The following SACM1L variants were observed in gnomAD, a reference collection of about 807,000 sequenced individuals.
The protein encoded by SACM1L is phosphatidylinositol-3-phosphatase SAC1.
SACM1L carries 32 observed loss-of-function variants against 89.5 expected under a neutral mutation model. The observed-to-expected ratio is 0.36, with a 90% CI of 0.27 to 0.48. The LOEUF (loss-of-function observed/expected upper bound fraction) is 0.48, where lower values mean the gene tolerates loss of function less well. Among genes scored for constraint, SACM1L ranks in the 20% least tolerant of loss-of-function variants. SACM1L has a pLI of 0.99. For missense variants in SACM1L, 543 were observed against 708.5 expected (o/e 0.77, Z 2.65); for synonymous variants, 213 against 232.8 (o/e 0.92, Z 0.77).
At chr3:45,713,414 A>C (rs1698571236) in intron 6 of SACM1L, 1 of 372,776 alleles carries the variant, frequency 2.7e-6, no homozygotes, top group Non-Finnish European at 4.8e-6. Flanking sequence ...GCCTTAAATA[A>C]AAATACATTG....
At chr3:45,689,901 A>G (rs2125676846) in intron 1 of SACM1L, 3 of 246,330 alleles carry the variant, frequency 1.2e-5, no homozygotes, top group South Asian at 1.4e-4. Flanking sequence ...TACAGCAGCA[A>G]TTTAGAGTCT....
At chr3:45,731,247 CCAT>C (rs1250069904) in intron 11 of SACM1L, 51 bp from the exon 12 acceptor site, 6 of 1,170,664 alleles carry the variant, frequency 5.1e-6, no homozygotes, top group Non-Finnish European at 7.5e-6. Flanking sequence ...TTTTCTGATA[CCAT>C]TCTCTCCTTT....
At chr3:45,693,303 C>G (rs1369185918) in intron 1 of SACM1L, among the ~76,000 whole-genome samples, 2 of 152,212 alleles carry the variant, frequency 1.3e-5, no homozygotes, top group African/African-American at 4.8e-5. Flanking sequence ...ATTTTCTTCT[C>G]TAGTCCTCCT....
At chr3:45,741,467 G>A (rs1243635666) in intron 19 of SACM1L, among the ~76,000 whole-genome samples, 1 of 152,094 alleles carries the variant, frequency 6.6e-6, no homozygotes, top group African/African-American at 2.4e-5. Flanking sequence ...CTTTTTGAAG[G>A]TAAAGACTGT....
At chr3:45,742,951 C>T (rs1699347277) in intron 19 of SACM1L, 1 of 152,242 alleles carries the variant, frequency 6.6e-6, no homozygotes, top group Non-Finnish European at 1.5e-5. Context: ...GCCTGGGCAA[C>T]ACAGCAAGAC....
At chr3:45,694,019 G>T (rs376544758) in intron 1 of SACM1L, among the ~76,000 whole-genome samples, 1 of 152,166 alleles carries the variant, frequency 6.6e-6, no homozygotes, top group Non-Finnish European at 1.5e-5. Flanking sequence ...GCAGTTCGGC[G>T]TAGGTGTCAC....
intron 8 of SACM1L, 95 bp from the exon 9 acceptor site, chr3:45,721,905 A>T (rs1698796724): frequency 3.8e-6 from 3 of 790,036 alleles, no homozygotes; most frequent in Non-Finnish European, 6.4e-6. Context: ...ACTTGAACTG[A>T]CTTAATTCTC....
At chr3:45,736,427 T>G (rs1699198021) in intron 14 of SACM1L, among the ~76,000 whole-genome samples, 1 of 152,224 alleles carries the variant, frequency 6.6e-6, no homozygotes, top group Non-Finnish European at 1.5e-5. Flanking sequence ...ACCACATGGT[T>G]TCCTGTTCAG....
chr3:45,707,033 T>C (rs564886403), intron 4 of SACM1L, 126 bp downstream of exon 4: 1 of 775,784 alleles, frequency 1.3e-6, no homozygotes, highest in Admixed American at 3.4e-5. Context: ...TAGAGTAAGA[T>C]CACTCTACCT....
Position 45,737,839 on chromosome 3 carries a change from T to C in SACM1L, c.1377T>C (p.Phe459=), listed in dbSNP as rs900129072. 1 of 1,613,592 alleles carries C rather than the reference T, an allele frequency of 6.2e-7. No individual in the cohort carries two copies. The highest frequency in any genetic ancestry group is 1.1e-5 in the South Asian group (1 of 91,080). The change falls in exon 16 of 20, where the codon TTT becomes TTC. Residue 459 remains phenylalanine (F), a synonymous_variant. Coordinates refer to ENST00000389061, the MANE Select transcript of SACM1L (RefSeq NM_014016.5). ...GAACTGGTGCCTTGAAGACTGACTT[T>C]ACCAGGCAAGCCATGCTTTTAAAAT... ...YAGTGALKTD[F]TRTGKRTHLG...
chr3:45,695,997 CTTT>C (rs56074379), intron 1 of SACM1L, among the ~76,000 whole-genome samples: 27 of 134,190 alleles, frequency 2.0e-4, no homozygotes, highest in Non-Finnish European at 1.9e-4. Flanking sequence ...TCAGAATTTC[CTTT>C]TTTTTTTTTT....
At chr3:45,701,749 C>T (rs148828038) in intron 1 of SACM1L, among the ~76,000 whole-genome samples, 2 of 152,274 alleles carry the variant, frequency 1.3e-5, no homozygotes, top group African/African-American at 4.8e-5. Context: ...TGAAACGTTT[C>T]CTCGTGCCTG....
In SACM1L at chr3:45,739,049, G is replaced by C. The variant is rs140261585; in HGVS notation, c.1569+176G>C. ...GGAGTACAGTAACTGTGGAGCATTTGTTTTCTTTTCCTCAGACTCTCACAC... is the reference window on the plus strand; with the variant it reads ...GGAGTACAGTAACTGTGGAGCATTTCTTTTCTTTTCCTCAGACTCTCACAC... On this transcript the variant is annotated intron_variant, in intron 18 of 19. Coordinates refer to ENST00000389061, the MANE Select transcript of SACM1L (RefSeq NM_014016.5). 2.0e-5 allele frequency among the ~76,000 whole-genome samples: 3 copies of C among 152,246 alleles called. No individual in the cohort carries two copies. The East Asian group carries it at 5.8e-4, about 29-fold the overall frequency.
At chr3:45,712,241 TTTTG>T (rs1183351066) in intron 5 of SACM1L, among the ~76,000 whole-genome samples, 1 of 152,096 alleles carries the variant, frequency 6.6e-6, no homozygotes, top group Admixed American at 6.6e-5. Flanking sequence ...GAGTCAGTTA[TTTTG>T]TTTGTTTTTT....
At chr3:45,701,413 T>A (rs1698263606) in intron 1 of SACM1L, among the ~76,000 whole-genome samples, 1 of 152,182 alleles carries the variant, frequency 6.6e-6, no homozygotes, top group Non-Finnish European at 1.5e-5. Context: ...GCTTGCATAA[T>A]GCTTAGTATG....
rs1369697738 is a variant in SACM1L at position 45,691,586 on chromosome 3, G to A, written c.32+2089G>A. 2.0e-5 allele frequency among the ~76,000 whole-genome samples: 3 copies of A among 146,792 alleles called. No homozygotes were observed. In the East Asian group the frequency reaches 5.8e-4, roughly 29 times the overall value. ...GATTGCTAAAAGGATTTATTTAAAT[G>A]TTGAAATGCTTGTTTTTTTTTTCTT... On this transcript the variant is annotated intron_variant, in intron 1 of 19. Coordinates refer to ENST00000389061, the MANE Select transcript of SACM1L (RefSeq NM_014016.5).
At chr3:45,697,186 G>A (rs1312298306) in intron 1 of SACM1L, among the ~76,000 whole-genome samples, 1 of 150,364 alleles carries the variant, frequency 6.7e-6, no homozygotes, top group Non-Finnish European at 1.5e-5. Flanking sequence ...ATTTTTTGTA[G>A]AGATGAGATC....
chr3:45,735,180 C>A, intron 13 of SACM1L, 55 bp from the exon 14 acceptor site: 2 of 1,513,850 alleles, frequency 1.3e-6, no homozygotes, highest in South Asian at 1.3e-5. Flanking sequence ...AGAGTTAAGT[C>A]CTTAGTAAAT....
Position 45,722,962 on chromosome 3 carries a change from A to G in SACM1L, c.852+7A>G, listed in dbSNP as rs557267839. The G allele has an allele frequency of 6.2e-7, 1 of 1,606,364 alleles. No homozygotes were observed. Among genetic ancestry groups the G allele is most frequent in the African/African-American group, 1.3e-5 (1 of 74,846 alleles). ...CAGCAAAGTAGCAAATCACGTGTGT[A>G]TCTTGCATGCCTTTTTTGTTGGTTA... On this transcript the variant is annotated splice_region_variant and intron_variant, in intron 10 of 19. Coordinates refer to ENST00000389061, the MANE Select transcript of SACM1L (RefSeq NM_014016.5).
Sources: allele counts gnomAD v4.1 joint callset (sites outside exome capture counted in the v4.1 genomes callset), GRCh38; gene constraint gnomAD v4.1.1; transcripts MANE v1.5; gene names NCBI Gene and HGNC (gene_info 2026-07-23, HGNC 2026-07-21).